Variants in DOCK3 observed in about 807,000 individuals in gnomAD.
DOCK3 encodes dedicator of cytokinesis 3, also known as dedicator of cytokinesis protein 3.
A neutral mutation model predicts 265.6 loss-of-function variants in DOCK3; 60 were observed. The ratio of observed to expected loss-of-function variants is 0.23; its 90% CI spans 0.18 to 0.28. The LOEUF is 0.28. DOCK3 is among the 10% of genes least tolerant of loss of function. DOCK3 has a pLI of 1.00. For missense variants in DOCK3, 1,981 were observed against 2,594.3 expected (o/e 0.76, Z 5.14); for synonymous variants, 881 against 938.0 (o/e 0.94, Z 1.11).
intron 2 of DOCK3, among the ~76,000 whole-genome samples, chr3:50,814,298 G>A (rs1205762803): frequency 1.3e-5 from 2 of 151,968 alleles, no homozygotes; most frequent in African/African-American, 4.8e-5. Context: ...ACAGGATGTA[G>A]CCCTGTCGCC....
At chr3:51,377,179 A>T (rs752565424) in intron 51 of DOCK3, among the ~76,000 whole-genome samples, 3 of 152,202 alleles carry the variant, frequency 2.0e-5, no homozygotes, top group Non-Finnish European at 4.4e-5. Flanking sequence ...GGAGCTGGAC[A>T]TGCCCACCCC....
intron 5 of DOCK3, among the ~76,000 whole-genome samples, chr3:50,981,274 T>A (rs935515271): frequency 2.0e-5 from 3 of 152,252 alleles, no homozygotes; most frequent in Admixed American, 1.3e-4. Context: ...TGTTATTGAT[T>A]TCTAGTTTTA....
intron 5 of DOCK3, among the ~76,000 whole-genome samples, chr3:51,052,088 G>A (rs1395568473): frequency 6.6e-6 from 1 of 152,148 alleles, no homozygotes; most frequent in African/African-American, 2.4e-5. Flanking sequence ...CTATGTTAAA[G>A]AATTATGAAA....
intron 5 of DOCK3, among the ~76,000 whole-genome samples, chr3:50,973,600 C>T (rs1159510936): frequency 6.1e-5 from 9 of 147,998 alleles, no homozygotes; most frequent in African/African-American, 7.5e-5. Flanking sequence ...AATAAACATA[C>T]GTGTCCATGT....
intron 4 of DOCK3, among the ~76,000 whole-genome samples, chr3:50,918,172 G>C (rs547838713): frequency 2.0e-5 from 3 of 152,192 alleles, no homozygotes; most frequent in African/African-American, 4.8e-5. Context: ...ATGGACATTT[G>C]GGTTGGTTCC....
intron 9 of DOCK3, among the ~76,000 whole-genome samples, chr3:51,104,163 G>A (rs997075092): frequency 2.0e-5 from 3 of 152,158 alleles, no homozygotes; most frequent in African/African-American, 7.2e-5. Flanking sequence ...AAGTTTCCAT[G>A]TACAGGGAAC....
intron 9 of DOCK3, among the ~76,000 whole-genome samples, chr3:51,126,724 C>T (rs1379356855): frequency 1.3e-5 from 2 of 152,178 alleles, no homozygotes; most frequent in Non-Finnish European, 2.9e-5. Flanking sequence ...TAGCTCACCA[C>T]ATTAAGCTAC....
At position 51,270,883 on chromosome 3, in the gene DOCK3, G is replaced by A. The variant is rs2080458978; in HGVS notation, c.2424G>A (p.Val808=). 2 of 1,614,010 alleles carry A rather than the reference G, an allele frequency of 1.2e-6. No individual in the cohort carries two copies. The highest frequency in any genetic ancestry group is 2.2e-5 in the East Asian group (1 of 44,882). ...ELLQMFTVQE[V]AEFVRGTLGS... ...TGCAAATGTTCACCGTGCAAGAGGT[G>A]GCAGAGTTTGTGAGAGGGACACTGG... The change falls in exon 24 of 53, where the codon GTG becomes GTA. Residue 808 remains valine, a synonymous_variant. Coordinates refer to ENST00000266037, the MANE Select transcript of DOCK3 (RefSeq NM_004947.5).
chr3:50,822,031 A>T (rs1341570820), intron 2 of DOCK3, among the ~76,000 whole-genome samples: 1 of 152,064 alleles, frequency 6.6e-6, no homozygotes, highest in African/African-American at 2.4e-5. Context: ...TTATTTTTTA[A>T]ATTCTATGAA....
intron 4 of DOCK3, among the ~76,000 whole-genome samples, chr3:50,897,115 G>T (rs986983322): frequency 6.6e-6 from 1 of 152,144 alleles, no homozygotes; most frequent in Non-Finnish European, 1.5e-5. Context: ...TCCTATCCAT[G>T]AGCATGGAAT....
chr3:51,348,996 G>A lies in DOCK3; in HGVS notation c.4002+58G>A, dbSNP rs143957507. ...GACTGGCATCAGTTTCTAAATGAGC[G>A]TTCTCTATGGGCCCAGCCCTTAGTT... On this transcript the variant is annotated intron_variant, in intron 39 of 52. Coordinates refer to ENST00000266037, the MANE Select transcript of DOCK3 (RefSeq NM_004947.5). 505 of 1,454,768 alleles carry A rather than the reference G, an allele frequency of 3.5e-4. No individual in the cohort carries two copies. The African/African-American group carries it at 5.6e-3, about 16-fold the overall frequency. The allele number at this position is 1,454,768 out of a possible 1,614,324, so 90.1% of individuals were successfully genotyped here. A position where few individuals can be genotyped will look rare whatever the true frequency, so the allele number is the denominator to read the frequency against.
chr3:50,675,900 C>A lies in DOCK3; in HGVS notation c.37+600C>A, dbSNP rs1277225583. On this transcript the variant is annotated intron_variant, in intron 1 of 52. Coordinates refer to ENST00000266037, the MANE Select transcript of DOCK3 (RefSeq NM_004947.5). This position sits in a 1 kb window ranked among gnomAD's most constrained non-coding sequence, Gnocchi z 6.1. ...GTTTATACGGTTTTTTTTTTAAACC[C>A]TGTTTTCAGATGAGACCTTATTCCT... 1.3e-5 allele frequency among the ~76,000 whole-genome samples: 2 copies of A among 151,822 alleles called. No individual in the cohort carries two copies. The highest frequency in any genetic ancestry group is 2.1e-4 in the South Asian group (1 of 4,822).
chr3:50,752,518 A>C (rs1303627804), intron 1 of DOCK3, among the ~76,000 whole-genome samples: 2 of 40,242 alleles, frequency 5.0e-5, no homozygotes, highest in Admixed American at 3.0e-4. Context: ...AAAAAAAAAA[A>C]AAAAACAAAA....
intron 3 of DOCK3, among the ~76,000 whole-genome samples, chr3:50,889,066 G>GGTGTGT (rs36180907): frequency 0.016 from 2,100 of 134,242 alleles, 17 homozygotes; most frequent in Non-Finnish European, 0.023. Flanking sequence ...TTAAGCCATG[G>GGTGTGT]GTGTGTGTGT....
At position 51,213,374 on chromosome 3, in the gene DOCK3, C is replaced by T. The variant is rs568134675; in HGVS notation, c.1127-748C>T. Among the ~76,000 whole-genome samples the T allele has an allele frequency of 2.3e-3, 355 of 152,142 alleles. 1 individual carries two copies. Among genetic ancestry groups the T allele is most frequent in the African/African-American group, 8.2e-3 (342 of 41,518 alleles). The stretch of plus-strand genomic sequence containing the variant: ...ACAGCCTTCTAGCCAGTAGCTGCAG[C>T]GGGGACCCTCAGGAGGGTGGTGTGG... On this transcript the variant is annotated intron_variant, in intron 13 of 52. Transcript: ENST00000266037.
At chr3:50,970,891 T>TTATA (rs55749209) in intron 5 of DOCK3, among the ~76,000 whole-genome samples, 44 of 12,074 alleles carry the variant, frequency 3.6e-3, no homozygotes, top group Non-Finnish European at 5.7e-3. Context: ...CATCTAATTT[T>TTATA]TATATATATA....
chr3:50,973,853 T>C (rs2077340527), intron 5 of DOCK3, among the ~76,000 whole-genome samples: 1 of 137,392 alleles, frequency 7.3e-6, no homozygotes, highest in Non-Finnish European at 1.6e-5. Context: ...AGATGGTATC[T>C]CATTGTGGTT....
intron 30 of DOCK3, 105 bp downstream of exon 30, chr3:51,312,681 TC>T: frequency 7.8e-7 from 1 of 1,288,266 alleles, no homozygotes; most frequent in South Asian, 1.5e-5. Context: ...CTGGGTGGTT[TC>T]CCAGGGGCCC....
intron 5 of DOCK3, among the ~76,000 whole-genome samples, chr3:50,980,509 T>C (rs2077649644): frequency 1.3e-5 from 2 of 152,200 alleles, no homozygotes; most frequent in African/African-American, 4.8e-5. Flanking sequence ...GCTTCAGTTT[T>C]TTGAAATAGT....
Sources: gnomAD v4.1 joint callset for allele counts (sites outside exome capture counted in the v4.1 genomes callset) on GRCh38, gnomAD v4.1.1 for gene constraint, Gnocchi (gnomAD v3.1) non-coding constraint, MANE v1.5 for transcripts, NCBI Gene and HGNC (gene_info 2026-07-23, HGNC 2026-07-21) for gene names.